Variants in OSMR observed in about 807,000 individuals in gnomAD.
OSMR encodes the protein oncostatin M receptor, also known as oncostatin-M-specific receptor subunit beta.
A neutral mutation model predicts 99.9 loss-of-function variants in OSMR; 81 were observed. That is an observed-to-expected ratio of 0.81 (90% CI 0.68 to 0.97). OSMR has a LOEUF of 0.97. Among genes scored for constraint, OSMR ranks in the 50% least tolerant of loss-of-function variants. The pLI, the probability that OSMR is intolerant of heterozygous loss-of-function variation, is 0.00. For synonymous variants in OSMR, 406 were observed against 410.4 expected (o/e 0.99, Z 0.13); for missense variants, 1,099 against 1,153.4 (o/e 0.95, Z 0.68).
chr5:38,942,208 C>G, intron 1 of OSMR: 1 of 689,844 alleles, frequency 1.4e-6, no homozygotes, highest in Admixed American at 1.9e-5. Context: ...ATACTCCTGT[C>G]TTTGCTGCCT....
chr5:38,883,228 T>C (rs963496781), intron 4 of OSMR, among the ~76,000 whole-genome samples: 4 of 152,182 alleles, frequency 2.6e-5, no homozygotes, highest in Admixed American at 2.6e-4. Flanking sequence ...GGCACAAGAA[T>C]TGCTTGAAGG....
At chr5:38,903,667 T>C (rs543713644) in intron 7 of OSMR, 1 of 573,202 alleles carries the variant, frequency 1.7e-6, no homozygotes, top group African/African-American at 2.0e-5. Flanking sequence ...AGTAGTTTCT[T>C]TTTGTATTTT....
At chr5:38,878,713 C>T (rs199598030) in intron 3 of OSMR, among the ~76,000 whole-genome samples, 1 of 152,002 alleles carries the variant, frequency 6.6e-6, no homozygotes, top group Non-Finnish European at 1.5e-5. Flanking sequence ...TTAAACCTGC[C>T]ACTTCAATAA....
chr5:38,884,210 CT>C, intron 5 of OSMR, 99 bp downstream of exon 5: 1 of 1,014,326 alleles, frequency 9.9e-7, no homozygotes, highest in Non-Finnish European at 1.6e-6. Context: ...TACCCATGAT[CT>C]TGATTTTCTT....
intron 13 of OSMR, among the ~76,000 whole-genome samples, chr5:38,923,789 A>C (rs372054896): frequency 1.3e-5 from 2 of 152,156 alleles, no homozygotes; most frequent in South Asian, 4.1e-4. Flanking sequence ...TTCTTCCTTT[A>C]GCAGGAGTGG....
intron 7 of OSMR, among the ~76,000 whole-genome samples, chr5:38,896,079 T>A (rs1744497322): frequency 6.6e-6 from 1 of 152,190 alleles, no homozygotes; most frequent in Non-Finnish European, 1.5e-5. Flanking sequence ...TGAAGTCAGC[T>A]AATGTGATTC....
At chr5:38,853,444 A>C (rs926030632) in intron 1 of OSMR, among the ~76,000 whole-genome samples, 1 of 152,206 alleles carries the variant, frequency 6.6e-6, no homozygotes, top group Non-Finnish European at 1.5e-5. Flanking sequence ...ATGGTTTTTA[A>C]GTACCAAAGT....
chr5:38,901,693 C>T (rs968121825), intron 7 of OSMR, among the ~76,000 whole-genome samples: 1 of 152,152 alleles, frequency 6.6e-6, no homozygotes, highest in Non-Finnish European at 1.5e-5. Flanking sequence ...CTCCAATCAG[C>T]GTGCATGGAG....
At position 38,933,223 on chromosome 5, in the gene OSMR, G is replaced by GA. The variant is rs1561416865; in HGVS notation, c.2722dup (p.Ile908AsnfsTer39). On this transcript the variant is annotated frameshift_variant, in exon 18 of 18. Transcript: ENST00000274276. LOFTEE classifies it low-confidence loss of function (END_TRUNC). Reference sequence around the variant, plus strand: ...AAAAAACTACATGAACTCCCTGGGAGAAATCCCAGCTGGAGAAACAAGTTT... The same window carrying GA: ...AAAAAACTACATGAACTCCCTGGGAGAAAATCCCAGCTGGAGAAACAAGTTT... 7.4e-6 allele frequency: 12 copies of GA among 1,614,172 alleles called. No individual in the cohort carries two copies. Among genetic ancestry groups the GA allele is most frequent in the Non-Finnish European group, 1.0e-5 (12 of 1,180,018 alleles).
intron 1 of OSMR, among the ~76,000 whole-genome samples, chr5:38,849,841 C>T (rs745894404): frequency 6.6e-6 from 1 of 152,170 alleles, no homozygotes; most frequent in Non-Finnish European, 1.5e-5. Context: ...ATTTCCTCCT[C>T]TGTGAATGGG....
chr5:38,886,897 G>A (rs1203312584), intron 7 of OSMR, among the ~76,000 whole-genome samples: 1 of 152,136 alleles, frequency 6.6e-6, no homozygotes, highest in African/African-American at 2.4e-5. Flanking sequence ...TCAACTTACA[G>A]GATAAGGTCA....
chr5:38,847,987 T>G (rs1342049238), intron 1 of OSMR, among the ~76,000 whole-genome samples: 2 of 152,152 alleles, frequency 1.3e-5, no homozygotes, highest in Non-Finnish European at 2.9e-5. Flanking sequence ...CATGCAGAGG[T>G]GTTCCTGGAT....
intron 1 of OSMR, among the ~76,000 whole-genome samples, chr5:38,861,876 G>A (rs1238374278): frequency 7.3e-6 from 1 of 137,428 alleles, no homozygotes; most frequent in Non-Finnish European, 1.6e-5. Context: ...GCGGGGGGCT[G>A]ACCCCCCCAC....
chr5:38,884,023 C>T lies in OSMR; in HGVS notation c.615C>T (p.Phe205=), dbSNP rs1374635913. The change falls in exon 5 of 18, where the codon TTC becomes TTT. Residue 205 remains phenylalanine (F), a synonymous_variant. Transcript: ENST00000274276. ...VTAFNLNSVP[F]IRNKGTNIYC... is the part of the protein sequence containing the mutation. Reference sequence around the variant, plus strand: ...CATTCAACTTGAATAGTGTGCCTTTCATTAGGAATAAAGGGACAAATATCT... The same window carrying T: ...CATTCAACTTGAATAGTGTGCCTTTTATTAGGAATAAAGGGACAAATATCT... 2.5e-6 allele frequency: 4 copies of T among 1,613,012 alleles called. No homozygotes were observed. The South Asian group carries it at 4.4e-5, about 18-fold the overall frequency.
chr5:38,926,570 A>G (rs1386664027), intron 15 of OSMR, among the ~76,000 whole-genome samples: 1 of 152,090 alleles, frequency 6.6e-6, no homozygotes, highest in Non-Finnish European at 1.5e-5. Context: ...TCTTGTGAGA[A>G]CTCACCTACT....
chr5:38,892,716 C>T (rs1744238947), intron 7 of OSMR, among the ~76,000 whole-genome samples: 2 of 152,170 alleles, frequency 1.3e-5, no homozygotes, highest in South Asian at 2.1e-4. Flanking sequence ...ACAAAACAGA[C>T]ATTTCCCATG....
intron 12 of OSMR, 166 bp from the exon 13 acceptor site, chr5:38,922,984 C>T (rs951177197): frequency 4.6e-6 from 1 of 218,112 alleles, no homozygotes; most frequent in Non-Finnish European, 7.8e-6. Flanking sequence ...CCATGTTGGC[C>T]AGGCTGGTCT....
At chr5:38,944,873 G>C in intron 2 of OSMR, 1 of 1,582,166 alleles carries the variant, frequency 6.3e-7, no homozygotes, top group Admixed American at 1.7e-5. Flanking sequence ...AATCAGAACA[G>C]TTTTACTAAT....
intron 9 of OSMR, chr5:38,917,320 C>G (rs1745962806): frequency 1.7e-6 from 1 of 605,964 alleles, no homozygotes; most frequent in Non-Finnish European, 2.1e-6. Flanking sequence ...TAAAGGCTTT[C>G]AGAGGCAGCT....
Sources: gnomAD v4.1 joint callset for allele counts (sites outside exome capture counted in the v4.1 genomes callset) on GRCh38, gnomAD v4.1.1 for gene constraint, MANE v1.5 for transcripts, NCBI Gene and HGNC (gene_info 2026-07-23, HGNC 2026-07-21) for gene names.